MACROD2: variants seen among roughly 807,000 people sequenced by gnomAD.
The protein encoded by MACROD2 is ADP-ribose glycohydrolase MACROD2.
A neutral mutation model predicts 70.4 loss-of-function variants in MACROD2; 36 were observed. The observed-to-expected ratio is 0.51, with a 90% CI of 0.39 to 0.68. MACROD2 has a LOEUF of 0.68. Among genes scored for constraint, MACROD2 ranks in the 30% least tolerant of loss-of-function variants. The pLI is 0.00. For synonymous variants in MACROD2, 172 were observed against 178.8 expected (o/e 0.96, Z 0.30); for missense variants, 496 against 538.4 (o/e 0.92, Z 0.78).
intron 12 of MACROD2, among the ~76,000 whole-genome samples, chr20:15,954,391 A>G (rs1601205302): frequency 6.6e-6 from 1 of 151,992 alleles, no homozygotes; most frequent in Admixed American, 6.6e-5. Flanking sequence ...TGGTAAAGCC[A>G]CCTCCACTAA....
chr20:15,476,910 A>G (rs1222524187), intron 7 of MACROD2, among the ~76,000 whole-genome samples: 1 of 152,158 alleles, frequency 6.6e-6, no homozygotes, highest in Admixed American at 6.6e-5. Flanking sequence ...TCTGATACAT[A>G]TTTGTAAGAA....
At chr20:14,569,664 TA>T (rs1340967709) in intron 4 of MACROD2, among the ~76,000 whole-genome samples, 2 of 151,856 alleles carry the variant, frequency 1.3e-5, no homozygotes, top group Non-Finnish European at 2.9e-5. Flanking sequence ...ATAATCAAAG[TA>T]AAATGGAGTT....
At chr20:14,504,924 G>A (rs141323025) in intron 4 of MACROD2, among the ~76,000 whole-genome samples, 2,294 of 152,168 alleles carry the variant, frequency 0.015, 69 homozygotes, top group African/African-American at 0.053. Flanking sequence ...ATATACATAT[G>A]TATCTGCAAA....
At chr20:15,252,064 G>A (rs1312298676) in intron 6 of MACROD2, among the ~76,000 whole-genome samples, 1 of 152,154 alleles carries the variant, frequency 6.6e-6, no homozygotes, top group Non-Finnish European at 1.5e-5. Context: ...GAGATATTTG[G>A]TATTATGCAG....
chr20:15,253,701 A>G (rs994032559), intron 6 of MACROD2, among the ~76,000 whole-genome samples: 3 of 152,262 alleles, frequency 2.0e-5, no homozygotes, highest in Non-Finnish European at 2.9e-5. Context: ...AACTGATACA[A>G]TCTCATTCTC....
At chr20:14,182,449 TGTCCTTTGAA>T (rs1451305430) in intron 3 of MACROD2, among the ~76,000 whole-genome samples, 1 of 152,188 alleles carries the variant, frequency 6.6e-6, no homozygotes, top group Non-Finnish European at 1.5e-5. Context: ...TTCTTGATAG[TGTCCTTTGAA>T]GCACAGAACT....
chr20:15,914,959 T>C (rs2065292248), intron 10 of MACROD2, among the ~76,000 whole-genome samples: 1 of 152,206 alleles, frequency 6.6e-6, no homozygotes, highest in African/African-American at 2.4e-5. Context: ...TTGGAAAGGT[T>C]GTAAATGAAC....
chr20:15,153,906 A>C (rs2076288871), intron 5 of MACROD2, among the ~76,000 whole-genome samples: 1 of 152,146 alleles, frequency 6.6e-6, no homozygotes, highest in African/African-American at 2.4e-5. Context: ...GATTTTTTAT[A>C]CTTTGACAGA....
At chr20:14,265,072 C>T (rs567483642) in intron 3 of MACROD2, among the ~76,000 whole-genome samples, 2 of 152,332 alleles carry the variant, frequency 1.3e-5, no homozygotes, top group East Asian at 3.9e-4. Flanking sequence ...TCTGTTCCTC[C>T]CTCTGCTGTT....
chr20:14,626,089 G>A (rs1439624235), intron 4 of MACROD2, among the ~76,000 whole-genome samples: 1 of 152,138 alleles, frequency 6.6e-6, no homozygotes, highest in East Asian at 1.9e-4. Context: ...CTCCCAAAGT[G>A]CTGGGATTAC....
At chr20:15,276,094 A>C (rs986439082) in intron 6 of MACROD2, among the ~76,000 whole-genome samples, 3 of 152,166 alleles carry the variant, frequency 2.0e-5, no homozygotes, top group Non-Finnish European at 4.4e-5. Flanking sequence ...TGACGTAAAA[A>C]GTCAATTAAA....
chr20:14,403,535 G>T (rs1408041054), intron 3 of MACROD2, among the ~76,000 whole-genome samples: 1 of 152,072 alleles, frequency 6.6e-6, no homozygotes, highest in Non-Finnish European at 1.5e-5. Context: ...AACTATAAAG[G>T]TTGAAATAGA....
rs56752104 is a variant in MACROD2 at position 15,206,721 on chromosome 20, G to GTTTTTTTTTTTTTTTT, written c.419-23208_419-23193dup. On this transcript the variant is annotated intron_variant, in intron 5 of 17. Coordinates refer to ENST00000684519, the MANE Select transcript of MACROD2 (RefSeq NM_001351661.2). ...GCATGAAGTCTTTCATATTATCTAT[G>GTTTTTTTTTTTTTTTT]TTTTTTTTTTTTTTTTTTTTTTTTT... is the stretch of plus-strand genomic sequence containing the variant. 6.5e-3 allele frequency among the ~76,000 whole-genome samples: 215 copies of GTTTTTTTTTTTTTTTT among 33,000 alleles called. 75 individuals carry two copies. The highest frequency in any genetic ancestry group is 9.8e-3 in the African/African-American group (64 of 6,544). The allele number at this position is 33,000 out of a possible 152,430, so 21.6% of individuals were successfully genotyped here. A position where few individuals can be genotyped will look rare whatever the true frequency, so the allele number is the denominator to read the frequency against.
intron 3 of MACROD2, among the ~76,000 whole-genome samples, chr20:14,171,067 C>T (rs2081216320): frequency 1.3e-5 from 2 of 152,158 alleles, no homozygotes; most frequent in African/African-American, 4.8e-5. Flanking sequence ...CTGGTTTAAT[C>T]CAGGAGTGTT....
At chr20:15,264,625 C>T (rs1256296460) in intron 6 of MACROD2, among the ~76,000 whole-genome samples, 1 of 152,126 alleles carries the variant, frequency 6.6e-6, no homozygotes, top group African/African-American at 2.4e-5. Flanking sequence ...CAAAGGATGT[C>T]TTATTCTGCG....
intron 8 of MACROD2, among the ~76,000 whole-genome samples, chr20:15,733,614 C>T (rs1485629747): frequency 1.3e-5 from 2 of 152,058 alleles, no homozygotes; most frequent in South Asian, 2.1e-4. Flanking sequence ...TATTCATTGA[C>T]GTAGACTTAA....
At chr20:15,372,006 C>T (rs2045500592) in intron 6 of MACROD2, among the ~76,000 whole-genome samples, 1 of 152,092 alleles carries the variant, frequency 6.6e-6, no homozygotes, top group Non-Finnish European at 1.5e-5. Flanking sequence ...TGTCATTAAC[C>T]ATCTTGTTTC....
chr20:14,900,261 C>A (rs142161913), intron 5 of MACROD2, among the ~76,000 whole-genome samples: 14 of 152,022 alleles, frequency 9.2e-5, no homozygotes, highest in African/African-American at 2.4e-4. Flanking sequence ...GGGATATTAG[C>A]CTGTAATTTT....
chr20:15,710,051 C>T (rs970224663), intron 8 of MACROD2, among the ~76,000 whole-genome samples: 11 of 151,936 alleles, frequency 7.2e-5, no homozygotes, highest in East Asian at 5.8e-4. Context: ...ATGATCCGTA[C>T]GACACTTCTC....
Sources: gnomAD v4.1 joint callset for allele counts (sites outside exome capture counted in the v4.1 genomes callset) on GRCh38, gnomAD v4.1.1 for gene constraint, MANE v1.5 for transcripts, NCBI Gene and HGNC (gene_info 2026-07-23, HGNC 2026-07-21) for gene names.